The following STARD13 variants were observed in gnomAD, a reference collection of about 807,000 sequenced individuals.
The protein encoded by STARD13 is stAR-related lipid transfer protein 13.
A neutral mutation model predicts 106.4 loss-of-function variants in STARD13; 62 were observed. The ratio of observed to expected loss-of-function variants is 0.58; its 90% CI spans 0.48 to 0.72. The LOEUF (loss-of-function observed/expected upper bound fraction) is 0.72, where lower values mean the gene tolerates loss of function less well. Ranked by LOEUF, STARD13 falls within the 30% of genes least tolerant of loss-of-function variation. The probability of loss-of-function intolerance (pLI) is 0.00; values close to 1 mark genes in which losing one functional copy is unlikely to be tolerated. For synonymous variants in STARD13, 565 were observed against 553.0 expected (o/e 1.02, Z -0.31); for missense variants, 1,387 against 1,424.0 (o/e 0.97, Z 0.42).
At chr13:33,426,636 T>A in the STARD13 span, among the ~76,000 whole-genome samples, 2 of 152,238 alleles carry the variant, frequency 1.3e-5, no homozygotes, top group African/African-American at 4.8e-5. Flanking sequence ...CATTTAATTA[T>A]AAATTATTTT....
chr13:33,371,030 A>G, the STARD13 span, among the ~76,000 whole-genome samples: 1 of 152,180 alleles, frequency 6.6e-6, no homozygotes, highest in African/African-American at 2.4e-5. Context: ...CTCTAAATAA[A>G]CAGGCATGAA....
chr13:33,214,723 C>T (rs941343219), intron 1 of STARD13, among the ~76,000 whole-genome samples: 1 of 151,830 alleles, frequency 6.6e-6, no homozygotes, highest in East Asian at 1.9e-4. Context: ...CACACACACA[C>T]ACACACACAC....
chr13:33,651,125 A>G, the STARD13 span, among the ~76,000 whole-genome samples: 1 of 152,244 alleles, frequency 6.6e-6, no homozygotes, highest in South Asian at 2.1e-4. Context: ...AGCTTTACTA[A>G]GCAACTTCCT....
At chr13:33,214,977 A>C (rs1464656662) in intron 1 of STARD13, among the ~76,000 whole-genome samples, 2 of 152,102 alleles carry the variant, frequency 1.3e-5, no homozygotes, top group African/African-American at 4.8e-5. Flanking sequence ...AGTCCTTTGG[A>C]AGCATTAGGT....
intron 1 of STARD13, among the ~76,000 whole-genome samples, chr13:33,329,242 A>AT (rs139219751): frequency 0.052 from 7,898 of 151,580 alleles, 700 homozygotes; most frequent in African/African-American, 0.18. Flanking sequence ...GAATTACAGG[A>AT]TTTTTTTTTG....
At chr13:33,142,218 G>A in intron 4 of STARD13, 92 bp downstream of exon 4, 1 of 953,066 alleles carries the variant, frequency 1.0e-6, no homozygotes, top group South Asian at 1.4e-5. Context: ...TTTTTTTGTA[G>A]ACACAAGGGT....
chr13:33,211,325 C>A (rs1203637428), intron 1 of STARD13, among the ~76,000 whole-genome samples: 1 of 151,782 alleles, frequency 6.6e-6, no homozygotes, highest in African/African-American at 2.4e-5. Flanking sequence ...AGAAGCATAG[C>A]CTAAAAAAGT....
At chr13:33,661,850 G>T in the STARD13 span, among the ~76,000 whole-genome samples, 124 of 151,310 alleles carry the variant, frequency 8.2e-4, no homozygotes, top group African/African-American at 2.8e-3. Flanking sequence ...GTGTATCTAC[G>T]TATGGGAGGG....
intron 1 of STARD13, among the ~76,000 whole-genome samples, chr13:33,253,329 A>G (rs754988261): frequency 1.4e-4 from 22 of 152,230 alleles, no homozygotes; most frequent in Non-Finnish European, 2.9e-4. Flanking sequence ...CTGGCAATTA[A>G]GAATAGGTGT....
At chr13:33,128,808 C>T (rs1340565774) in intron 5 of STARD13, 121 bp downstream of exon 5, 1 of 965,750 alleles carries the variant, frequency 1.0e-6, no homozygotes, top group Admixed American at 2.6e-5. Flanking sequence ...TAATCACATA[C>T]ATCACTTAGA....
intron 1 of STARD13, among the ~76,000 whole-genome samples, chr13:33,325,718 G>C (rs2077765908): frequency 6.6e-6 from 1 of 152,108 alleles, no homozygotes; most frequent in South Asian, 2.1e-4. Context: ...AAAGTGGCCG[G>C]GCGCGGTGGC....
chr13:33,398,153 T>C, the STARD13 span, among the ~76,000 whole-genome samples: 1 of 152,190 alleles, frequency 6.6e-6, no homozygotes, highest in Non-Finnish European at 1.5e-5. Flanking sequence ...CAAAGACAGG[T>C]GTCCTGGTTT....
the STARD13 span, among the ~76,000 whole-genome samples, chr13:33,661,703 C>T: frequency 6.6e-6 from 1 of 152,074 alleles, no homozygotes; most frequent in Non-Finnish European, 1.5e-5. Context: ...AAGAGAACAG[C>T]ATGGGAGAAA....
At chr13:33,643,400 G>T in the STARD13 span, among the ~76,000 whole-genome samples, 5 of 152,220 alleles carry the variant, frequency 3.3e-5, no homozygotes, top group African/African-American at 1.2e-4. Context: ...CCCTGTCCTG[G>T]CCACAGCCAG....
intron 5 of STARD13, 145 bp from the exon 6 acceptor site, chr13:33,127,691 T>C: frequency 2.7e-6 from 2 of 740,360 alleles, no homozygotes; most frequent in Non-Finnish European, 4.1e-6. Context: ...AAGACACAAG[T>C]GTGCAGAATA....
chr13:33,551,826 G>T, the STARD13 span, among the ~76,000 whole-genome samples: 9 of 151,838 alleles, frequency 5.9e-5, no homozygotes, highest in African/African-American at 1.9e-4. Context: ...TTGAGCTCCT[G>T]ACCTCAGGTG....
At chr13:33,441,146 G>A in the STARD13 span, among the ~76,000 whole-genome samples, 1 of 151,948 alleles carries the variant, frequency 6.6e-6, no homozygotes. Flanking sequence ...ACTCCTTCCT[G>A]TCCTCACTAC....
At chr13:33,220,624 G>A (rs1397777323) in intron 1 of STARD13, among the ~76,000 whole-genome samples, 8 of 152,098 alleles carry the variant, frequency 5.3e-5, no homozygotes, top group East Asian at 3.9e-4. Context: ...CCTGGGAGGC[G>A]GAGGTTGCAG....
the STARD13 span, among the ~76,000 whole-genome samples, chr13:33,630,784 G>A: frequency 6.6e-6 from 1 of 152,142 alleles, no homozygotes; most frequent in South Asian, 2.1e-4. Context: ...GAGAGCCCAT[G>A]AGTCCCACCA....
Sources: allele counts gnomAD v4.1 joint callset (sites outside exome capture counted in the v4.1 genomes callset), GRCh38; gene constraint gnomAD v4.1.1; transcripts MANE v1.5; gene names NCBI Gene and HGNC (gene_info 2026-07-23, HGNC 2026-07-21).